APP: variants seen among roughly 807,000 people sequenced by gnomAD.
APP encodes the protein amyloid beta precursor protein.
Under a neutral mutation model 101.4 loss-of-function variants are expected in APP, and 31 were observed. The ratio of observed to expected loss-of-function variants is 0.31; its 90% CI spans 0.23 to 0.41. APP has a LOEUF of 0.41. APP is among the 10% of genes least tolerant of loss of function. The pLI, the probability that APP is intolerant of heterozygous loss-of-function variation, is 1.00. For synonymous variants in APP, 366 were observed against 364.4 expected, an observed-to-expected ratio of 1.00 and a Z score of -0.05; for missense variants, 839 against 1,003.7, an observed-to-expected ratio of 0.84 and a Z score of 2.22.
intron 13 of APP, among the ~76,000 whole-genome samples, chr21:25,936,564 G>C (rs1026633826): frequency 1.3e-5 from 2 of 152,150 alleles, no homozygotes; most frequent in Non-Finnish European, 2.9e-5. Flanking sequence ...AAGAAGAAGA[G>C]GAAGAGACAC....
rs543931061 is a variant in APP, at chr21:26,161,214, C to T, written c.57+9350G>A. 2.6e-5 allele frequency among the ~76,000 whole-genome samples: 4 copies of T among 152,332 alleles called. No homozygotes were observed. The South Asian group carries it at 8.3e-4, about 32-fold the overall frequency. On this transcript the variant is annotated intron_variant, in intron 1 of 17. Coordinates refer to ENST00000346798, the MANE Select transcript of APP (RefSeq NM_000484.4). ...CAACACTAACTTCTCTCTCCCACCA[C>T]TTGTTTTCAACATTTAATCACCCAA...
At chr21:26,116,209 C>CG (rs1299917653) in intron 1 of APP, among the ~76,000 whole-genome samples, 2 of 152,124 alleles carry the variant, frequency 1.3e-5, no homozygotes, top group African/African-American at 4.8e-5. Flanking sequence ...GTGCTCTGAA[C>CG]TACAGAGACG....
At chr21:26,071,588 T>G (rs962770514) in intron 3 of APP, among the ~76,000 whole-genome samples, 1 of 152,252 alleles carries the variant, frequency 6.6e-6, no homozygotes, top group African/African-American at 2.4e-5. Flanking sequence ...ATGTAGTTCC[T>G]GTCTTTCATT....
At chr21:25,974,138 G>A (rs1446988241) in intron 11 of APP, among the ~76,000 whole-genome samples, 7 of 152,060 alleles carry the variant, frequency 4.6e-5, no homozygotes, top group Non-Finnish European at 8.8e-5. Context: ...TGTCATGACT[G>A]ACAAATGCTT....
At chr21:26,011,950 G>C (rs184101011) in intron 6 of APP, among the ~76,000 whole-genome samples, 2 of 151,994 alleles carry the variant, frequency 1.3e-5, no homozygotes, top group Admixed American at 6.5e-5. Flanking sequence ...TAAAACACCT[G>C]AACAGTCTTA....
chr21:26,143,631 T>C (rs2063095791), intron 1 of APP, among the ~76,000 whole-genome samples: 1 of 152,184 alleles, frequency 6.6e-6, no homozygotes. Context: ...TATTATTAAC[T>C]AGTCACTAGG....
At chr21:26,168,458 A>C (rs374109893) in intron 1 of APP, among the ~76,000 whole-genome samples, 1 of 152,234 alleles carries the variant, frequency 6.6e-6, no homozygotes, top group East Asian at 1.9e-4. Context: ...AAAGGAGTTA[A>C]CAATAGCTAC....
chr21:26,041,225 ATT>A (rs1423274809), intron 5 of APP, among the ~76,000 whole-genome samples: 2 of 152,224 alleles, frequency 1.3e-5, no homozygotes, highest in East Asian at 3.8e-4. Context: ...TAATATGTAG[ATT>A]TTGAGGCCAC....
chr21:26,145,014 A>T (rs464278), intron 1 of APP, among the ~76,000 whole-genome samples: 5,076 of 152,342 alleles, frequency 0.033, 219 homozygotes, highest in East Asian at 0.2. Flanking sequence ...ACTTTATAAA[A>T]GTAATGTTCC....
intron 8 of APP, among the ~76,000 whole-genome samples, chr21:25,989,372 T>C (rs1472029721): frequency 6.6e-6 from 1 of 152,226 alleles, no homozygotes; most frequent in African/African-American, 2.4e-5. Context: ...CATATAAGAA[T>C]GTGGGGTCAA....
chr21:25,912,783 T>C (rs16997468), intron 13 of APP, among the ~76,000 whole-genome samples: 2,585 of 152,336 alleles, frequency 0.017, 81 homozygotes, highest in African/African-American at 0.059. Context: ...TGGAACATCA[T>C]TGACTTATCT....
At chr21:26,012,970 C>CATGT (rs2043877132) in intron 6 of APP, among the ~76,000 whole-genome samples, 1 of 138,948 alleles carries the variant, frequency 7.2e-6, no homozygotes, top group South Asian at 2.4e-4. Context: ...ACTGAGACTC[C>CATGT]ATGTCAACAA....
intron 3 of APP, 126 bp downstream of exon 3, chr21:26,089,817 G>T: frequency 1.4e-6 from 2 of 1,445,300 alleles, no homozygotes; most frequent in Non-Finnish European, 1.9e-6. Context: ...CCAAAACACA[G>T]TACAACACAG....
chr21:26,161,393 G>A (rs1311957060), intron 1 of APP, among the ~76,000 whole-genome samples: 2 of 152,010 alleles, frequency 1.3e-5, no homozygotes, highest in Non-Finnish European at 2.9e-5. Context: ...ATCCTTCTAC[G>A]TAGCATTCTC....
intron 6 of APP, among the ~76,000 whole-genome samples, chr21:26,001,080 T>C (rs1445541334): frequency 1.3e-5 from 2 of 152,236 alleles, no homozygotes; most frequent in Non-Finnish European, 2.9e-5. Context: ...ATATTTTGTA[T>C]ATTTACCTGA....
At position 25,955,859 on chromosome 21, in the gene APP, C is replaced by T. The variant is rs547157961; in HGVS notation, c.1459-104G>A. On this transcript the variant is annotated intron_variant, in intron 11 of 17. Coordinates refer to ENST00000346798, the MANE Select transcript of APP (RefSeq NM_000484.4). ...CCACTAATGCATCCGGTCATGTGAA[C>T]GTACTGTGAGTCACCTTTTTGCAGG... 98 of 1,543,206 alleles carry T rather than the reference C, an allele frequency of 6.4e-5. No homozygotes were observed. In the South Asian group the frequency reaches 6.7e-4, roughly 11 times the overall value.
chr21:25,993,950 G>A (rs937240955), intron 8 of APP, among the ~76,000 whole-genome samples: 1 of 152,180 alleles, frequency 6.6e-6, no homozygotes, highest in Non-Finnish European at 1.5e-5. Context: ...AGAAACCTTG[G>A]TTTAGTTGTT....
intron 17 of APP, among the ~76,000 whole-genome samples, chr21:25,882,422 A>T (rs951649896): frequency 6.7e-6 from 1 of 149,732 alleles, no homozygotes; most frequent in African/African-American, 2.5e-5. Context: ...GTAATTTTTT[A>T]AAAACTGAGA....
At chr21:25,940,537 TAAG>T (rs1229521407) in intron 13 of APP, among the ~76,000 whole-genome samples, 2 of 152,218 alleles carry the variant, frequency 1.3e-5, no homozygotes, top group Admixed American at 6.5e-5. Context: ...GTATTAATAA[TAAG>T]AAGTTGTTCA....
Sources: allele counts gnomAD v4.1 joint callset (sites outside exome capture counted in the v4.1 genomes callset), GRCh38; gene constraint gnomAD v4.1.1; transcripts MANE v1.5; gene names NCBI Gene and HGNC (gene_info 2026-07-23, HGNC 2026-07-21).